The following TRIM37 variants were observed in gnomAD, a reference collection of about 807,000 sequenced individuals.
TRIM37 encodes the protein tripartite motif containing 37, also known as E3 ubiquitin-protein ligase TRIM37.
TRIM37 carries 80 observed loss-of-function variants against 129.8 expected under a neutral mutation model. The observed-to-expected ratio is 0.62, with a 90% confidence interval of 0.51 to 0.74. The LOEUF is 0.74. TRIM37 is among the 30% of genes least tolerant of loss of function. The pLI is 0.00. For missense variants in TRIM37, 1,054 were observed against 1,176.5 expected (o/e 0.90, Z 1.52); for synonymous variants, 389 against 387.1 (o/e 1.00, Z -0.06).
intron 13 of TRIM37, 29 bp downstream of exon 13, chr17:59,056,846 A>G (rs751349100): frequency 6.2e-7 from 1 of 1,602,536 alleles, no homozygotes; most frequent in Non-Finnish European, 8.5e-7. Flanking sequence ...CCCACAATAA[A>G]AACCACAACA....
In TRIM37 at chr17:59,054,524, ACTCCTGAC is replaced by A. The variant is rs113302062; in HGVS notation, c.1199+2343_1199+2350del. The stretch of plus-strand genomic sequence containing the variant: ...ACCATGTTGCCCAGGCTGATCTTGA[ACTCCTGAC>A]CTCAGGTGATCCACCCACCTCAGCC... On this transcript the variant is annotated intron_variant, in intron 13 of 23. Coordinates refer to ENST00000262294, the MANE Select transcript of TRIM37 (RefSeq NM_015294.6). Among the ~76,000 whole-genome samples the A allele has an allele frequency of 1.1e-4, 17 of 151,456 alleles. No homozygotes were observed. The Middle Eastern group carries it at 0.01, about 92-fold the overall frequency.
chr17:59,015,762 AC>A lies in TRIM37; in HGVS notation c.2423del (p.Ser808IlefsTer6). On this transcript the variant is annotated frameshift_variant, in exon 21 of 24. Coordinates refer to ENST00000262294, the MANE Select transcript of TRIM37 (RefSeq NM_015294.6). LOFTEE classifies it high-confidence loss of function. ...TGCCATGTATCAAGGCTCGGGGAGA[AC>A]TGTGCCTGCTCCCAGACTGAGAGCT... Reference protein sequence around the residue: ...PGSSQSGSRHSSPRALIHGSI... With the variant: ...PGSSQSGSRHXSPRALIHGSI... 1.2e-6 allele frequency: 2 copies of A among 1,613,790 alleles called. No homozygotes were observed. Among genetic ancestry groups the A allele is most frequent in the South Asian group, 2.2e-5 (2 of 91,056 alleles).
the TRIM37 span, among the ~76,000 whole-genome samples, chr17:58,974,784 T>G: frequency 2.1e-4 from 32 of 152,332 alleles, no homozygotes; most frequent in Admixed American, 7.8e-4. Context: ...GGATTTAGCT[T>G]TCACCACTGA....
intron 15 of TRIM37, among the ~76,000 whole-genome samples, chr17:59,048,343 C>G (rs75908433): frequency 0.042 from 6,370 of 152,280 alleles, 178 homozygotes; most frequent in Non-Finnish European, 0.059. Context: ...TCTGTGCATT[C>G]TCTCGACCCA....
chr17:59,010,941 C>T (rs1001227920), intron 22 of TRIM37, among the ~76,000 whole-genome samples: 4 of 151,912 alleles, frequency 2.6e-5, no homozygotes, highest in African/African-American at 4.8e-5. Context: ...GAGGCTGAGG[C>T]GAGTGGTTCA....
intron 13 of TRIM37, among the ~76,000 whole-genome samples, chr17:59,051,692 T>G (rs1372352331): frequency 2.6e-5 from 4 of 152,104 alleles, no homozygotes; most frequent in Non-Finnish European, 5.9e-5. Context: ...AAGATAACTC[T>G]TATCCCTTTC....
intron 2 of TRIM37, among the ~76,000 whole-genome samples, chr17:59,098,965 A>T: frequency 6.6e-6 from 1 of 152,228 alleles, no homozygotes; most frequent in African/African-American, 2.4e-5. Flanking sequence ...AGGGTGGATC[A>T]CCAGGTCAAG....
chr17:59,001,847 A>G, intron 22 of TRIM37, 133 bp from the exon 23 acceptor site: 1 of 1,277,974 alleles, frequency 7.8e-7, no homozygotes, highest in Non-Finnish European at 1.1e-6. Flanking sequence ...AACAAACTAA[A>G]CACTAACAAA....
chr17:59,057,043 C>A lies in TRIM37; in HGVS notation c.1031G>T (p.Arg344Leu), dbSNP rs373387394. The A allele has an allele frequency of 6.2e-7, 1 of 1,613,454 alleles. No individual in the cohort carries two copies. The highest frequency in any genetic ancestry group is 1.3e-5 in the African/African-American group (1 of 74,968). ...ACAGGACTGGTGAACCATCTCTACA[C>A]GATATTCATATCTAAAATTGAAAAA... Reference protein sequence around the residue: ...GLPETSKYEYRVEMVHQSCND... With the variant: ...GLPETSKYEYLVEMVHQSCND... The change falls in exon 13 of 24, where the codon CGT becomes CTT. Residue 344 changes from arginine (R) to leucine (L), a missense_variant. Arg to Leu is a moderately radical substitution (Grantham distance 102). Around this residue, in one of 3 missense-constraint regions of TRIM37, gnomAD observed 752 missense variants for 870.8 expected, o/e 0.86. Transcript: ENST00000262294.
At chr17:59,052,341 C>T (rs1162014610) in intron 13 of TRIM37, among the ~76,000 whole-genome samples, 3 of 151,960 alleles carry the variant, frequency 2.0e-5, no homozygotes, top group Non-Finnish European at 2.9e-5. Flanking sequence ...AAAGGAAAAA[C>T]CACAAGGCAA....
chr17:59,085,326 C>CAAAAAA (rs569276825), intron 4 of TRIM37, among the ~76,000 whole-genome samples: 1 of 139,308 alleles, frequency 7.2e-6, no homozygotes, highest in Admixed American at 7.2e-5. Flanking sequence ...GACTCTGCCT[C>CAAAAAA]AAAAAAAAAA....
the TRIM37 span, among the ~76,000 whole-genome samples, chr17:58,970,670 C>T: frequency 6.6e-6 from 1 of 152,148 alleles, no homozygotes; most frequent in Admixed American, 6.5e-5. Context: ...CTTCATCTCT[C>T]CCCTCCCCTA....
Position 59,049,306 on chromosome 17 carries a change from G to GCTA in TRIM37, c.1401_1402insTAG (p.Ala467_Leu468insTer). On this transcript the variant is annotated stop_gained and inframe_insertion, in exon 15 of 24. Transcript: ENST00000262294. LOFTEE classifies it high-confidence loss of function. ...GCAGACTTCTTAGCTCGTGTCTCCA[G>GCTA]AGCATCATCATTTTGGGGGCTAAGA... 2 of 1,614,178 alleles carry GCTA rather than the reference G, an allele frequency of 1.2e-6. No homozygotes were observed. The highest frequency in any genetic ancestry group is 1.7e-6 in the Non-Finnish European group (2 of 1,180,048).
At chr17:59,067,615 G>A (rs1056330264) in intron 9 of TRIM37, among the ~76,000 whole-genome samples, 33 of 152,260 alleles carry the variant, frequency 2.2e-4, no homozygotes, top group African/African-American at 7.9e-4. Flanking sequence ...TGAACTGACA[G>A]CTATACTATT....
intron 19 of TRIM37, among the ~76,000 whole-genome samples, chr17:59,021,069 G>A (rs2036544751): frequency 6.6e-6 from 1 of 152,166 alleles, no homozygotes; most frequent in Non-Finnish European, 1.5e-5. Flanking sequence ...TGGTTTGGAA[G>A]CAACCTAAGA....
intron 2 of TRIM37, among the ~76,000 whole-genome samples, chr17:59,093,042 C>G (rs2044538372): frequency 6.6e-6 from 1 of 151,978 alleles, no homozygotes; most frequent in Non-Finnish European, 1.5e-5. Flanking sequence ...CCCAGCTACT[C>G]AGGAGGCTGA....
At chr17:58,980,101 A>G (rs1598718568), downstream of TRIM37, 2 of 1,614,168 alleles carry the variant, frequency 1.2e-6, no homozygotes, top group Non-Finnish European at 1.7e-6. The surrounding 1 kb of genome is among the most constrained non-coding windows in gnomAD (Gnocchi z 4.7). Flanking sequence ...CTGATGAGGC[A>G]GTGAAAGTTG....
intron 17 of TRIM37, among the ~76,000 whole-genome samples, chr17:59,032,353 G>A (rs866231107): frequency 2.0e-5 from 3 of 150,444 alleles, no homozygotes; most frequent in Admixed American, 6.6e-5. Context: ...GTGAAACCCC[G>A]TCTCTACTAA....
intron 17 of TRIM37, among the ~76,000 whole-genome samples, chr17:59,036,787 C>G (rs33922512): frequency 0.67 from 102,172 of 151,938 alleles, 35,002 homozygotes; most frequent in African/African-American, 0.79. Flanking sequence ...TTCTTTAGAT[C>G]ACATAACTCT....
Sources: allele counts gnomAD v4.1 joint callset (sites outside exome capture counted in the v4.1 genomes callset), GRCh38; gene constraint gnomAD v4.1.1; regional missense constraint gnomAD v4.1.1; non-coding constraint Gnocchi (gnomAD v3.1); transcripts MANE v1.5; gene names NCBI Gene and HGNC (gene_info 2026-07-23, HGNC 2026-07-21).